The following SRCIN1 variants were observed in gnomAD, a reference collection of about 807,000 sequenced individuals.
SRCIN1 encodes P130Cas-associated protein.
In SRCIN1, 50 loss-of-function variants were observed where a neutral mutation model predicts 116.2. The ratio of observed to expected loss-of-function variants is 0.43; its 90% CI spans 0.34 to 0.54. SRCIN1 has a LOEUF of 0.54. Ranked by LOEUF, SRCIN1 falls within the 20% of genes least tolerant of loss-of-function variation. SRCIN1 has a pLI of 0.02. For missense variants in SRCIN1, 1,446 were observed against 1,672.0 expected (o/e 0.86, Z 2.36); for synonymous variants, 736 against 750.0 (o/e 0.98, Z 0.30).
intron 1 of SRCIN1, 42 bp from the exon 2 acceptor site, chr17:38,578,833 C>G (rs1241259300): frequency 3.0e-5 from 44 of 1,447,728 alleles, no homozygotes; most frequent in South Asian, 1.4e-4. Context: ...ACGGCGCGCC[C>G]GGCCTGGGGC....
chr17:38,598,813 G>A (rs143396046), intron 1 of SRCIN1, among the ~76,000 whole-genome samples: 11 of 152,292 alleles, frequency 7.2e-5, no homozygotes, highest in East Asian at 5.8e-4. Context: ...TATAGTCCCC[G>A]GATGGAATGG....
chr17:38,596,324 T>C (rs896613953), intron 1 of SRCIN1, among the ~76,000 whole-genome samples: 7 of 151,920 alleles, frequency 4.6e-5, no homozygotes, highest in Admixed American at 1.3e-4. Flanking sequence ...AGCTCTCCCT[T>C]TGGGGCCCCC....
Position 38,561,917 on chromosome 17 carries a change from C to A in SRCIN1, c.1246G>T (p.Asp416Tyr). The A allele has an allele frequency of 6.9e-7, 1 of 1,445,624 alleles. No individual in the cohort carries two copies. The highest frequency in any genetic ancestry group is 9.0e-7 in the Non-Finnish European group (1 of 1,113,974). The allele number at this position is 1,445,624 out of a possible 1,614,324, so 89.5% of individuals were successfully genotyped here. ...CCGGCGCCCGGGTAGGCGAACGGGT[C>A]GCCGGCGGCCGCGGCCAGGCTCAGA... ...GRLSLAAAAG[D>Y]PFAYPGAGGL... The change falls in exon 7 of 19, where the codon GAC (aspartate) becomes TAC (tyrosine). Residue 416 changes from aspartate to tyrosine, a missense_variant. Physicochemically the swap from Asp to Tyr is radical, Grantham distance 160. Around this residue, in one of 5 missense-constraint regions of SRCIN1, gnomAD observed 239 missense variants for 317.7 expected, o/e 0.75. Coordinates refer to ENST00000617146, the MANE Select transcript of SRCIN1 (RefSeq NM_025248.3).
intron 18 of SRCIN1, among the ~76,000 whole-genome samples, chr17:38,540,647 A>C (rs1256581888): frequency 6.6e-6 from 1 of 151,990 alleles, no homozygotes; most frequent in East Asian, 1.9e-4. Context: ...GGGCAGGGTG[A>C]GCTGAGGCTG....
intron 18 of SRCIN1, among the ~76,000 whole-genome samples, chr17:38,534,993 G>C (rs1212427689): frequency 6.6e-6 from 1 of 152,036 alleles, no homozygotes; most frequent in African/African-American, 2.4e-5. Context: ...ATAGCTGAGT[G>C]TGATGGTGTG....
chr17:38,563,868 G>T lies in SRCIN1; in HGVS notation c.541+250C>A, dbSNP rs1374865215. 2 of 610,950 alleles carry T rather than the reference G, an allele frequency of 3.3e-6. No homozygotes were observed. The highest frequency in any genetic ancestry group is 5.5e-5 in the East Asian group (2 of 36,452). 37.8% of individuals were successfully genotyped at this position (610,950 alleles called of 1,614,324 possible). On this transcript the variant is annotated intron_variant, in intron 4 of 18. Transcript: ENST00000617146. The surrounding 1 kb of genome is among the most constrained non-coding windows in gnomAD (Gnocchi z 5.8). ...AGAAGGGAGATGGGAGAGAAGGGAG[G>T]GATGAAAGAAAGGGACAGAAAAGGA...
At position 38,560,040 on chromosome 17, in the gene SRCIN1, G is replaced by T; in HGVS notation, c.1837+14C>A. On this transcript the variant is annotated intron_variant, in intron 9 of 18. Transcript: ENST00000617146. ...CGGAGAGAACAAGGATGGGGGAGGG[G>T]GAGGTTCACTCACGTGCTGAGGGGG... The T allele has an allele frequency of 6.5e-7, 1 of 1,546,052 alleles. No homozygotes were observed. Among genetic ancestry groups the T allele is most frequent in the Non-Finnish European group, 8.8e-7 (1 of 1,140,066 alleles).
At chr17:38,573,037 G>C (rs980204481) in intron 2 of SRCIN1, among the ~76,000 whole-genome samples, 12 of 152,132 alleles carry the variant, frequency 7.9e-5, no homozygotes, top group Non-Finnish European at 1.5e-4. Flanking sequence ...CCCGGGACTC[G>C]GGTTGCAGCA....
At chr17:38,546,298 C>A (rs1905067623) in intron 17 of SRCIN1, among the ~76,000 whole-genome samples, 1 of 152,234 alleles carries the variant, frequency 6.6e-6, no homozygotes, top group Non-Finnish European at 1.5e-5. Flanking sequence ...GGCCACCCAC[C>A]CACAGCTAGT....
chr17:38,549,229 T>G lies in SRCIN1; in HGVS notation c.2963-19A>C. The G allele has an allele frequency of 6.7e-7, 1 of 1,501,270 alleles. No individual in the cohort carries two copies. The highest frequency in any genetic ancestry group is 1.3e-5 in the South Asian group (1 of 75,994). The allele number at this position is 1,501,270 out of a possible 1,614,324, so 93.0% of individuals were successfully genotyped here. Reference sequence around the variant, plus strand: ...AACTCATCTGCAGGCACCAAGGGGCTGGGGGTCAGCAGGCCTGCAACCTTG... The same window carrying G: ...AACTCATCTGCAGGCACCAAGGGGCGGGGGGTCAGCAGGCCTGCAACCTTG... On this transcript the variant is annotated intron_variant, in intron 15 of 18. Transcript: ENST00000617146.
intron 1 of SRCIN1, among the ~76,000 whole-genome samples, chr17:38,586,041 G>A (rs913814017): frequency 1.7e-4 from 26 of 152,236 alleles, no homozygotes; most frequent in Non-Finnish European, 4.4e-5. Context: ...AAGACAGAGA[G>A]GAAGTGGGAA....
rs770593959 is a variant in SRCIN1 at position 38,558,361 on chromosome 17, C to G, written c.2067G>C (p.Thr689=). The G allele has an allele frequency of 3.1e-6, 5 of 1,607,464 alleles. No individual in the cohort carries two copies. In the Admixed American group the frequency reaches 8.3e-5, roughly 27 times the overall value. The stretch of plus-strand genomic sequence containing the variant: ...ACACGCGCATGCTCAGCTCTGCCTC[C>G]GTGCGCTTCAGCAGCGCGCGCACCG... ...QESVRALLKR[T]EAELSMRVSE... Residue 689 remains threonine, a synonymous_variant, in exon 11 of 19, where the codon ACG becomes ACC. Coordinates refer to ENST00000617146, the MANE Select transcript of SRCIN1 (RefSeq NM_025248.3). This position sits in a 1 kb window ranked among gnomAD's most constrained non-coding sequence, Gnocchi z 4.6.
intron 2 of SRCIN1, among the ~76,000 whole-genome samples, chr17:38,570,428 C>T (rs7225352): frequency 0.026 from 3,978 of 152,286 alleles, 186 homozygotes; most frequent in African/African-American, 0.089. Context: ...ACACACACCC[C>T]GGCTATTGAA....
intron 10 of SRCIN1, chr17:38,559,058 T>G: frequency 6.0e-6 from 1 of 166,296 alleles, no homozygotes; most frequent in Non-Finnish European, 1.3e-5. Context: ...CTCTGCTAAT[T>G]ATCCTCACCT....
At position 38,563,386 on chromosome 17, in the gene SRCIN1, G is replaced by C; in HGVS notation, c.677C>G (p.Pro226Arg). The stretch of plus-strand genomic sequence containing the variant: ...GTCTTTGATGAGGATGGCGGTATTG[G>C]GCGACTTAAGCATGCCCATGGTGAG... ...QKLTMGMLKS[P>R]NTAILIKDEA... The change falls in exon 5 of 19, where the codon CCC (proline) becomes CGC (arginine). Residue 226 changes from proline (P) to arginine (R), a missense_variant. Transcript: ENST00000617146. This position sits in a 1 kb window ranked among gnomAD's most constrained non-coding sequence, Gnocchi z 5.8. 6.3e-7 allele frequency: 1 copy of C among 1,579,850 alleles called. No individual in the cohort carries two copies. Among genetic ancestry groups the C allele is most frequent in the Non-Finnish European group, 8.6e-7 (1 of 1,162,246 alleles).
chr17:38,562,031 C>T lies in SRCIN1; in HGVS notation c.1132G>A (p.Glu378Lys). 3 of 1,491,744 alleles carry T rather than the reference C, an allele frequency of 2.0e-6. No homozygotes were observed. Among genetic ancestry groups the T allele is most frequent in the East Asian group, 2.9e-5 (1 of 35,064 alleles). 92.4% of individuals were successfully genotyped at this position (1,491,744 alleles called of 1,614,324 possible). Reference protein sequence around the residue: ...ILERRDVKPDEDLASKAGGMV... With the variant: ...ILERRDVKPDKDLASKAGGMV... ...CCGCCCGCCTTGCTCGCCAGGTCCT[C>T]GTCCGGCTTCACGTCGCGCCGCTCC... is the stretch of plus-strand genomic sequence containing the variant. The change falls in exon 7 of 19, where the codon GAG becomes AAG. Residue 378 changes from glutamate to lysine, a missense_variant. Glu to Lys is a moderately conservative substitution (Grantham distance 56). Coordinates refer to ENST00000617146, the MANE Select transcript of SRCIN1 (RefSeq NM_025248.3). This position sits in a 1 kb window ranked among gnomAD's most constrained non-coding sequence, Gnocchi z 4.2.
Position 38,562,919 on chromosome 17 carries a change from C to T in SRCIN1, c.742G>A (p.Asp248Asn), listed in dbSNP as rs1361108076. The T allele has an allele frequency of 1.2e-6, 2 of 1,613,068 alleles. No individual in the cohort carries two copies. The highest frequency in any genetic ancestry group is 4.5e-5 in the East Asian group (2 of 44,878). ...NVFYELEDVR[D>N]IQDRSIIKIY... ...TTGATAATACTGCGGTCCTGGATGT[C>T]CCTGGGAGAGGCGGGGAGACGGGGG... is the stretch of plus-strand genomic sequence containing the variant. The change falls in exon 6 of 19, where the codon GAC becomes AAC. Residue 248 changes from aspartate to asparagine, a missense_variant and splice_region_variant. Transcript: ENST00000617146. The surrounding 1 kb of genome is among the most constrained non-coding windows in gnomAD (Gnocchi z 4.2).
At position 38,568,536 on chromosome 17, in the gene SRCIN1, C is replaced by A. The variant is rs991769294; in HGVS notation, c.325-305G>T. Among the ~76,000 whole-genome samples the A allele has an allele frequency of 6.6e-6, 1 of 152,132 alleles. No individual in the cohort carries two copies. The highest frequency in any genetic ancestry group is 1.5e-5 in the Non-Finnish European group (1 of 68,028). ...CATGAGGCAGTCACAAGAGAGGCAG[C>A]GACAAAGCTGAGCTGTGGGGTCAGA... On this transcript the variant is annotated intron_variant, in intron 2 of 18. Transcript: ENST00000617146. The surrounding 1 kb of genome is among the most constrained non-coding windows in gnomAD (Gnocchi z 4.5).
At position 38,560,071 on chromosome 17, in the gene SRCIN1, GCTC is replaced by G. The variant is rs1486659988; in HGVS notation, c.1817_1819del (p.Gly606del). On this transcript the variant is annotated inframe_deletion, in exon 9 of 19. Transcript: ENST00000617146. ...TCACTCACGTGCTGAGGGGGTGGCT[GCTC>G]CATTGGAGCCTTCAATCTTCTCGCT... The G allele has an allele frequency of 6.4e-7, 1 of 1,556,956 alleles. No homozygotes were observed. Among genetic ancestry groups the G allele is most frequent in the Non-Finnish European group, 8.7e-7 (1 of 1,150,452 alleles).
Sources: gnomAD v4.1 joint callset for allele counts (sites outside exome capture counted in the v4.1 genomes callset) on GRCh38, gnomAD v4.1.1 for gene constraint, gnomAD v4.1.1 regional missense constraint, Gnocchi (gnomAD v3.1) non-coding constraint, MANE v1.5 for transcripts, NCBI Gene and HGNC (gene_info 2026-07-23, HGNC 2026-07-21) for gene names.